ZSCAN5C: variants seen among roughly 807,000 people sequenced by gnomAD.
The protein encoded by ZSCAN5C is zinc finger and SCAN domain-containing protein 5C.
A neutral mutation model predicts 17.3 loss-of-function variants in ZSCAN5C; 11 were observed. The observed-to-expected ratio is 0.64, with a 90% confidence interval of 0.40 to 1.06. The LOEUF (loss-of-function observed/expected upper bound fraction) is 1.06, where lower values mean the gene tolerates loss of function less well. Among genes scored for constraint, ZSCAN5C ranks in the 50% least tolerant of loss-of-function variants. The probability of loss-of-function intolerance (pLI) is 0.00; values close to 1 mark genes in which losing one functional copy is unlikely to be tolerated. For missense variants in ZSCAN5C, 698 were observed against 538.9 expected, an observed-to-expected ratio of 1.30 and a Z score of -2.92; for synonymous variants, 229 against 208.4, an observed-to-expected ratio of 1.10 and a Z score of -0.85.
chr19:56,206,071 C>T (rs747682692), exon 2 of ZSCAN5C: 46 of 1,612,192 alleles, frequency 2.9e-5, no homozygotes, highest in Middle Eastern at 1.7e-4. Flanking sequence ...TTCAGCTGCC[C>T]GAAGGAGTCG....
exon 5 of ZSCAN5C, chr19:56,208,818 A>C (rs769138573): frequency 1.9e-6 from 3 of 1,562,002 alleles, no homozygotes; most frequent in African/African-American, 2.8e-5. Flanking sequence ...TATCGCGGCA[A>C]GTTAGCCGTC....
intron 1 of ZSCAN5C, among the ~76,000 whole-genome samples, 194 bp from the exon 2 acceptor site, chr19:56,205,593 G>T (rs1214830129): frequency 6.6e-6 from 1 of 151,806 alleles, no homozygotes; most frequent in African/African-American, 2.4e-5. Flanking sequence ...CAGAATCCAG[G>T]GGAGTATTCA....
chr19:56,208,954 C>T (rs754497038), exon 5 of ZSCAN5C: 5 of 1,613,610 alleles, frequency 3.1e-6, no homozygotes, highest in Non-Finnish European at 4.2e-6. Context: ...ACACGTGTGA[C>T]ATCTGCCAGA....
chr19:56,207,479 T>TG (rs1555788453), intron 3 of ZSCAN5C, among the ~76,000 whole-genome samples: 17,720 of 150,540 alleles, frequency 0.12, 2,292 homozygotes, highest in African/African-American at 0.31. Context: ...GCATGTAGGG[T>TG]GGGGGGTAAG....
rs746096775 is a variant in ZSCAN5C at position 56,207,224 on chromosome 19, C to T, written c.550C>T (p.Gln184Ter). Residue 184 changes from glutamine (Q) to a stop codon, truncating the protein, a stop_gained, in exon 3 of 5, where the codon CAG (glutamine) becomes TAG (stop). Transcript: ENST00000534327. LOFTEE classifies it high-confidence loss of function. Reference sequence around the variant, plus strand: ...GGAAGGCCAGGCCAGCCAAGAGCTGCAGACCCTGCCCAGGGTCCCTGCACT... The same window carrying T: ...GGAAGGCCAGGCCAGCCAAGAGCTGTAGACCCTGCCCAGGGTCCCTGCACT... The T allele has an allele frequency of 2.4e-5, 19 of 778,966 alleles. No homozygotes were observed. The African/African-American group carries it at 2.7e-4, about 11-fold the overall frequency. The allele number at this position is 778,966 out of a possible 1,614,324, so 48.3% of individuals were successfully genotyped here.
At chr19:56,205,497 T>G (rs1049607706) in intron 1 of ZSCAN5C, among the ~76,000 whole-genome samples, 1 of 151,970 alleles carries the variant, frequency 6.6e-6, no homozygotes, top group Non-Finnish European at 1.5e-5. Context: ...TTCACATTCC[T>G]GTCCTATTTT....
rs544343442 is a variant in ZSCAN5C, at chr19:56,203,914, G to A, written c.-128+1592G>A. On this transcript the variant is annotated intron_variant, in intron 1 of 4. Coordinates refer to ENST00000534327, the Ensembl canonical transcript of ZSCAN5C. ...TCCGCCCATCTCAGCCGTCCAACGTGCTGGGATTACAGGCGTGAGCCACCA... is the reference window on the plus strand; with the variant it reads ...TCCGCCCATCTCAGCCGTCCAACGTACTGGGATTACAGGCGTGAGCCACCA... Among the ~76,000 whole-genome samples, 3 of 151,942 alleles carry A rather than the reference G, an allele frequency of 2.0e-5. No homozygotes were observed. In the East Asian group the frequency reaches 5.8e-4, roughly 29 times the overall value.
exon 5 of ZSCAN5C, chr19:56,208,476 A>G: frequency 6.9e-7 from 1 of 1,458,144 alleles, no homozygotes; most frequent in Non-Finnish European, 9.5e-7. Flanking sequence ...AAGGAGGGGA[A>G]GGAACCCCAA....
At chr19:56,204,105 TA>T (rs2032897576) in intron 1 of ZSCAN5C, among the ~76,000 whole-genome samples, 1 of 151,958 alleles carries the variant, frequency 6.6e-6, no homozygotes, top group South Asian at 2.1e-4. Context: ...GGTATGACTC[TA>T]CCCATCACCC....
In ZSCAN5C at chr19:56,207,804, A is replaced by G. The variant is rs573487484; in HGVS notation, c.589-230A>G. ...CCTCCAGGAGGGTGATGCAGCCCCA[A>G]TGCCAGTGGTGCCAGGGGTTAGGGG... On this transcript the variant is annotated intron_variant, in intron 3 of 4. Transcript: ENST00000534327. Among the ~76,000 whole-genome samples, 25 of 151,816 alleles carry G rather than the reference A, an allele frequency of 1.6e-4. No homozygotes were observed. In the East Asian group the frequency reaches 2.1e-3, roughly 13 times the overall value.
chr19:56,203,508 C>T (rs1386028389), intron 1 of ZSCAN5C, among the ~76,000 whole-genome samples: 2 of 151,692 alleles, frequency 1.3e-5, no homozygotes, highest in Non-Finnish European at 2.9e-5. Context: ...CTGAAGTCAC[C>T]ATGTTGGACA....
exon 2 of ZSCAN5C, chr19:56,206,058 A>G (rs2146338831): frequency 6.2e-7 from 1 of 1,613,138 alleles, no homozygotes; most frequent in East Asian, 2.2e-5. Context: ...GAACTTCAGG[A>G]TGTTCAGCTG....
chr19:56,208,251 C>T (rs1599948010), intron 4 of ZSCAN5C, 67 bp downstream of exon 4: 1 of 688,714 alleles, frequency 1.5e-6, no homozygotes, highest in East Asian at 2.5e-5. Flanking sequence ...GCTGGGGTCC[C>T]AGCATTATCA....
chr19:56,209,241 A>G (rs533730743), downstream of ZSCAN5C: 105 of 647,704 alleles, frequency 1.6e-4, 2 homozygotes, highest in African/African-American at 1.6e-3. Context: ...GAAAGTGTGA[A>G]TGAAGATTTT....
chr19:56,206,901 A>G (rs1444761514), intron 2 of ZSCAN5C, among the ~76,000 whole-genome samples, 158 bp from the exon 3 acceptor site: 3 of 151,998 alleles, frequency 2.0e-5, no homozygotes, highest in Non-Finnish European at 4.4e-5. Context: ...ATACTTATCT[A>G]GAAAAGAAAA....
chr19:56,206,088 A>G (rs2032918218), exon 2 of ZSCAN5C: 1 of 1,610,724 alleles, frequency 6.2e-7, no homozygotes, highest in African/African-American at 1.4e-5. Flanking sequence ...GTCGGACCCC[A>G]TCCAGGCTCT....
chr19:56,205,806 ATC>A lies in ZSCAN5C; in HGVS notation c.-106_-105del. On this transcript the variant is annotated 5_prime_UTR_variant, in exon 2 of 5. An upstream open reading frame in the 5' UTR gains an earlier in-frame stop. Transcript: ENST00000534327. Reference sequence around the variant, plus strand: ...CTGCAGACTTCTGAATGAACAGTGAATCTATTACTGAGAAAAACCAGGGGTGG... The same window carrying A: ...CTGCAGACTTCTGAATGAACAGTGAATATTACTGAGAAAAACCAGGGGTGG... The A allele has an allele frequency of 1.7e-6, 1 of 604,088 alleles. No individual in the cohort carries two copies. Among genetic ancestry groups the A allele is most frequent in the East Asian group, 2.7e-5 (1 of 36,756 alleles). The allele number at this position is 604,088 out of a possible 1,614,324, so 37.4% of individuals were successfully genotyped here.
exon 3 of ZSCAN5C, chr19:56,207,212 A>T (rs765574024): frequency 1.3e-6 from 1 of 778,896 alleles, no homozygotes; most frequent in Non-Finnish European, 2.4e-6. Flanking sequence ...AGGCCAGGCC[A>T]GCCAAGAGCT....
At chr19:56,205,441 G>A (rs866158989) in intron 1 of ZSCAN5C, among the ~76,000 whole-genome samples, 9 of 152,000 alleles carry the variant, frequency 5.9e-5, no homozygotes, top group South Asian at 2.1e-4. Context: ...ATCTTGATAA[G>A]AAAACATAAA....
Sources: gnomAD v4.1 joint callset for allele counts (sites outside exome capture counted in the v4.1 genomes callset) on GRCh38, gnomAD v4.1.1 for gene constraint, MANE v1.5 for transcripts, NCBI Gene and HGNC (gene_info 2026-07-23, HGNC 2026-07-21) for gene names.